The following FAM149A variants were observed in gnomAD, a reference collection of about 807,000 sequenced individuals.
The protein encoded by FAM149A is protein FAM149A.
FAM149A carries 71 observed loss-of-function variants against 78.2 expected under a neutral mutation model. The ratio of observed to expected loss-of-function variants is 0.91; its 90% CI spans 0.75 to 1.11. FAM149A has a LOEUF of 1.11. Ranked by LOEUF, FAM149A falls within the 50% of genes least tolerant of loss-of-function variation. The probability of loss-of-function intolerance (pLI) is 0.00; values close to 1 mark genes in which losing one functional copy is unlikely to be tolerated. For synonymous variants in FAM149A, 446 were observed against 410.5 expected (o/e 1.09, Z -1.04); for missense variants, 1,036 against 971.0 (o/e 1.07, Z -0.89).
intron 1 of FAM149A, among the ~76,000 whole-genome samples, chr4:186,126,530 A>G: frequency 6.6e-6 from 1 of 152,192 alleles, no homozygotes; most frequent in South Asian, 2.1e-4. Context: ...GGAAGGGCGA[A>G]TTCTCTTCTT....
At chr4:186,153,356 T>G in intron 4 of FAM149A, 2 of 953,930 alleles carry the variant, frequency 2.1e-6, no homozygotes, top group South Asian at 9.7e-5. Context: ...ATATATGATC[T>G]CTAAGCCATT....
chr4:186,167,683 CA>C, intron 13 of FAM149A: 1 of 292,744 alleles, frequency 3.4e-6, no homozygotes, highest in Non-Finnish European at 6.7e-6. Flanking sequence ...CTTTATAACA[CA>C]AGGTTTTACA....
At chr4:186,119,275 T>C (rs1706143) in intron 1 of FAM149A, among the ~76,000 whole-genome samples, 92,309 of 152,090 alleles carry the variant, frequency 0.61, 29,140 homozygotes, top group East Asian at 0.87. Flanking sequence ...TACGTAGTAC[T>C]CGTCAAGCAA....
intron 1 of FAM149A, among the ~76,000 whole-genome samples, chr4:186,136,978 C>CTCTCTCTCTCTCTT (rs1561396427): frequency 1.8e-5 from 2 of 110,406 alleles, no homozygotes; most frequent in Non-Finnish European, 1.9e-5. Context: ...CTCTCTCTTT[C>CTCTCTCTCTCTCTT]TCTCTCTCTC....
At chr4:186,125,956 A>C in intron 1 of FAM149A, 1 of 985,416 alleles carries the variant, frequency 1.0e-6, no homozygotes, top group Non-Finnish European at 1.2e-6. Flanking sequence ...CCTGTTCTCC[A>C]GCTGCCCGGA....
Position 186,150,154 on chromosome 4 carries a change from G to C in FAM149A, c.789+450G>C, listed in dbSNP as rs1470299958. ...CTGGGGGCGCTGTTGCCTCTGAACT[G>C]CTTTTGTCTGTGTGAGCCTGGGATT... On this transcript the variant is annotated intron_variant, in intron 3 of 13. Transcript: ENST00000389354. Among the ~76,000 whole-genome samples, 4 of 152,118 alleles carry C rather than the reference G, an allele frequency of 2.6e-5. No individual in the cohort carries two copies. In the East Asian group the frequency reaches 7.7e-4, roughly 29 times the overall value.
At chr4:186,154,213 AGTCC>A (rs1391852287) in intron 5 of FAM149A, among the ~76,000 whole-genome samples, 3 of 152,240 alleles carry the variant, frequency 2.0e-5, no homozygotes, top group African/African-American at 7.2e-5. Flanking sequence ...GACACAATGC[AGTCC>A]TTTCACTGCA....
At chr4:186,165,255 A>G in intron 10 of FAM149A, 89 bp from the exon 11 acceptor site, 1 of 1,459,242 alleles carries the variant, frequency 6.9e-7, no homozygotes, top group South Asian at 1.2e-5. Flanking sequence ...TCACGCAGAA[A>G]CATTGAAATC....
chr4:186,141,337 T>C (rs1363930765), intron 1 of FAM149A, among the ~76,000 whole-genome samples: 6 of 152,194 alleles, frequency 3.9e-5, no homozygotes, highest in Non-Finnish European at 5.9e-5. Context: ...TAATTACCAA[T>C]TTTTATACAG....
At chr4:186,148,752 T>C (rs1733240535) in intron 1 of FAM149A, among the ~76,000 whole-genome samples, 1 of 152,196 alleles carries the variant, frequency 6.6e-6, no homozygotes, top group Admixed American at 6.5e-5. Flanking sequence ...ATGGGATTAA[T>C]GATTTTTTTA....
chr4:186,125,818 G>T (rs1453192906), intron 1 of FAM149A: 2 of 985,266 alleles, frequency 2.0e-6, no homozygotes, highest in Non-Finnish European at 2.4e-6. Flanking sequence ...TGGAAGGGAG[G>T]CCAAAAAGAA....
chr4:186,142,375 G>A (rs2099326199), intron 1 of FAM149A, among the ~76,000 whole-genome samples: 1 of 152,214 alleles, frequency 6.6e-6, no homozygotes, highest in Admixed American at 6.5e-5. Context: ...ACATGCTTTA[G>A]ATGATGAGAC....
intron 5 of FAM149A, among the ~76,000 whole-genome samples, chr4:186,154,084 G>A (rs574819747): frequency 6.6e-6 from 1 of 152,326 alleles, no homozygotes; most frequent in East Asian, 1.9e-4. Context: ...CCGCCTCACT[G>A]TGATGGATTA....
intron 8 of FAM149A, among the ~76,000 whole-genome samples, chr4:186,159,058 C>G (rs1039669532): frequency 6.6e-6 from 1 of 152,128 alleles, no homozygotes; most frequent in Non-Finnish European, 1.5e-5. Context: ...ATATTTCGAG[C>G]TAGTTTGAAA....
chr4:186,109,473 C>G lies in FAM149A; in HGVS notation c.566+3831C>G, dbSNP rs375117293. On this transcript the variant is annotated intron_variant, in intron 1 of 13. Coordinates refer to ENST00000389354, the MANE Select transcript of FAM149A (RefSeq NM_001367768.3). ...GAGGCAGCCTCCAGTGTGATGAAGCCTGTAGACCCGGAAACCAGACGAGGT... is the reference window on the plus strand; with the variant it reads ...GAGGCAGCCTCCAGTGTGATGAAGCGTGTAGACCCGGAAACCAGACGAGGT... 1.8e-3 allele frequency: 1,749 copies of G among 985,272 alleles called. 7 individuals carry two copies. Among genetic ancestry groups the G allele is most frequent in the Non-Finnish European group, 1.9e-3 (1,611 of 829,860 alleles). The allele number at this position is 985,272 out of a possible 1,614,324, so 61.0% of individuals were successfully genotyped here.
Position 186,105,091 on chromosome 4 carries a change from G to T in FAM149A, c.15G>T (p.Val5=). The change falls in exon 1 of 14, where the codon GTG becomes GTT. Residue 5 remains valine, a synonymous_variant. Coordinates refer to ENST00000389354, the MANE Select transcript of FAM149A (RefSeq NM_001367768.3). ...ACTGTCGAGGCATGAAGGCTGCTGT[G>T]CTGGACCTTGGGTCTCTCTTGGCCA... The T allele has an allele frequency of 7.8e-7, 1 of 1,280,588 alleles. No homozygotes were observed. The highest frequency in any genetic ancestry group is 1.0e-6 in the Non-Finnish European group (1 of 985,028). The allele number at this position is 1,280,588 out of a possible 1,614,324, so 79.3% of individuals were successfully genotyped here. A position where few individuals can be genotyped will look rare whatever the true frequency, so the allele number is the denominator to read the frequency against.
Position 186,105,421 on chromosome 4 carries a change from CG to C in FAM149A, c.350del (p.Gly117AlafsTer87), listed in dbSNP as rs1211373275. On this transcript the variant is annotated frameshift_variant, in exon 1 of 14. Transcript: ENST00000389354. LOFTEE classifies it high-confidence loss of function. ...CGCCCCAGCCCCCCACTCCCTCCGG[CG>C]GGGGCTGCTCCCCTGCTCGCCTGGT... is the stretch of plus-strand genomic sequence containing the variant. The C allele has an allele frequency of 8.4e-7, 1 of 1,196,654 alleles. No homozygotes were observed. 74.1% of individuals were successfully genotyped at this position (1,196,654 alleles called of 1,614,324 possible).
At chr4:186,116,632 T>A (rs1376995825) in intron 1 of FAM149A, 1 of 973,912 alleles carries the variant, frequency 1.0e-6, no homozygotes, top group Non-Finnish European at 1.2e-6. Context: ...TCTCACTCTG[T>A]CACCAGGCTG....
At chr4:186,155,665 T>A (rs1426280051) in intron 6 of FAM149A, among the ~76,000 whole-genome samples, 1 of 151,280 alleles carries the variant, frequency 6.6e-6, no homozygotes, top group African/African-American at 2.4e-5. Context: ...AAAAGACATA[T>A]CTGAAATAAA....
Sources: gnomAD v4.1 joint callset for allele counts (sites outside exome capture counted in the v4.1 genomes callset) on GRCh38, gnomAD v4.1.1 for gene constraint, MANE v1.5 for transcripts, NCBI Gene and HGNC (gene_info 2026-07-23, HGNC 2026-07-21) for gene names.